The following FER variants were observed in gnomAD, a reference collection of about 807,000 sequenced individuals.
The protein encoded by FER is tyrosine-protein kinase Fer.
Under a neutral mutation model 111.0 loss-of-function variants are expected in FER, and 63 were observed. That is an observed-to-expected ratio of 0.57 (90% confidence interval 0.46 to 0.70). FER has a LOEUF of 0.70. FER is among the 30% of genes least tolerant of loss of function. FER has a pLI of 0.00. For missense variants in FER, 914 were observed against 954.0 expected (o/e 0.96, Z 0.55); for synonymous variants, 327 against 313.9 (o/e 1.04, Z -0.44).
rs1448236167 is a variant in FER at position 109,188,336 on chromosome 5, G to C, written c.*761G>C. 1 of 147,316 alleles carries C rather than the reference G, an allele frequency of 6.8e-6. No individual in the cohort carries two copies. The highest frequency in any genetic ancestry group is 1.5e-5 in the Non-Finnish European group (1 of 66,862). 9.1% of individuals were successfully genotyped at this position (147,316 alleles called of 1,614,324 possible). A position where few individuals can be genotyped will look rare whatever the true frequency, so the allele number is the denominator to read the frequency against. On this transcript the variant is annotated 3_prime_UTR_variant, in exon 20 of 20. Transcript: ENST00000281092. ...AGGCTGAGGCAGGCGGATCACCTGA[G>C]GTCAGGAGTTCGAGACCAGCCTGGC...
At chr5:108,968,276 A>G (rs1760168797) in intron 13 of FER, among the ~76,000 whole-genome samples, 1 of 152,150 alleles carries the variant, frequency 6.6e-6, no homozygotes, top group African/African-American at 2.4e-5. Context: ...AATCCCAACT[A>G]TTTAGGAGGC....
At chr5:108,876,920 T>G (rs529632356) in intron 8 of FER, among the ~76,000 whole-genome samples, 1 of 152,342 alleles carries the variant, frequency 6.6e-6, no homozygotes, top group Admixed American at 6.5e-5. Flanking sequence ...ATTACTGTAT[T>G]TTGAATTTGC....
At chr5:109,028,652 A>G (rs138201557) in intron 13 of FER, among the ~76,000 whole-genome samples, 232 of 152,322 alleles carry the variant, frequency 1.5e-3, no homozygotes, top group African/African-American at 5.3e-3. Flanking sequence ...TCAGTGATCC[A>G]CTAGAAAGGC....
chr5:108,980,426 A>G (rs974845542), intron 13 of FER, among the ~76,000 whole-genome samples: 1 of 152,210 alleles, frequency 6.6e-6, no homozygotes, highest in African/African-American at 2.4e-5. Context: ...TTCAGTATTC[A>G]TCTATACAGG....
chr5:108,937,496 A>T (rs1405399432), intron 10 of FER, among the ~76,000 whole-genome samples: 1 of 152,052 alleles, frequency 6.6e-6, no homozygotes, highest in African/African-American at 2.4e-5. Context: ...AAGTTGAGAC[A>T]TAAAAGAGAT....
intron 17 of FER, among the ~76,000 whole-genome samples, chr5:109,126,410 A>G (rs970061377): frequency 2.0e-5 from 3 of 152,202 alleles, no homozygotes; most frequent in African/African-American, 4.8e-5. Context: ...TCCATTATAC[A>G]TGGAGCCACT....
Position 108,959,275 on chromosome 5 carries a change from A to C in FER, c.1584A>C (p.Ile528=). The part of the protein sequence containing the change: ...GTGFSNIPQL[I]DHHYTTKQVI... The stretch of plus-strand genomic sequence containing the variant: ...GGTTTTCAAACATTCCTCAACTTAT[A>C]GATCATCACTATACAACAAAACAGG... Residue 528 remains isoleucine, a synonymous_variant, in exon 13 of 20, where the codon ATA becomes ATC. Coordinates refer to ENST00000281092, the MANE Select transcript of FER (RefSeq NM_005246.4). 6.2e-7 allele frequency: 1 copy of C among 1,612,012 alleles called. No individual in the cohort carries two copies. The highest frequency in any genetic ancestry group is 1.1e-5 in the South Asian group (1 of 90,954).
chr5:108,757,115 A>G, intron 1 of FER, among the ~76,000 whole-genome samples: 1 of 152,208 alleles, frequency 6.6e-6, no homozygotes, highest in East Asian at 1.9e-4. Context: ...TAAACCTGAA[A>G]TAAATGTAAA....
intron 3 of FER, among the ~76,000 whole-genome samples, chr5:108,803,833 A>G (rs1350923748): frequency 6.6e-6 from 1 of 152,176 alleles, no homozygotes; most frequent in Non-Finnish European, 1.5e-5. Context: ...TTTTGGTTGC[A>G]TATGAATTTT....
chr5:109,023,919 G>A (rs1768292971), intron 13 of FER, among the ~76,000 whole-genome samples: 1 of 152,106 alleles, frequency 6.6e-6, no homozygotes, highest in Non-Finnish European at 1.5e-5. Context: ...TTGAGTAAGA[G>A]GAAGAATGGT....
intron 5 of FER, chr5:108,842,634 A>G (rs990435926): frequency 1.3e-5 from 2 of 152,258 alleles, no homozygotes; most frequent in Admixed American, 1.3e-4. Flanking sequence ...TAACAAACCT[A>G]TGAAAAAATG....
At position 109,108,240 on chromosome 5, in the gene FER, A is replaced by T. The variant is rs1749183408; in HGVS notation, c.2048+7721A>T. ...TAGATTGAGCCACAAAAGAGTAAGTAACTTTTCTAATGTCACACAGCTAGT... is the reference window on the plus strand; with the variant it reads ...TAGATTGAGCCACAAAAGAGTAAGTTACTTTTCTAATGTCACACAGCTAGT... On this transcript the variant is annotated intron_variant, in intron 17 of 19. Coordinates refer to ENST00000281092, the MANE Select transcript of FER (RefSeq NM_005246.4). Among the ~76,000 whole-genome samples the T allele has an allele frequency of 2.6e-5, 4 of 152,300 alleles. No homozygotes were observed. The South Asian group carries it at 8.3e-4, about 32-fold the overall frequency.
chr5:108,866,185 C>T (rs879801431), intron 5 of FER, among the ~76,000 whole-genome samples: 7 of 152,144 alleles, frequency 4.6e-5, no homozygotes, highest in Admixed American at 3.3e-4. Context: ...TGGAACCAAC[C>T]CAATGTCCAA....
intron 17 of FER, among the ~76,000 whole-genome samples, chr5:109,124,865 T>C (rs2126527771): frequency 6.6e-6 from 1 of 151,886 alleles, no homozygotes; most frequent in East Asian, 1.9e-4. Context: ...GCTAACACGG[T>C]GAAACCCCGT....
chr5:108,817,085 C>T (rs1212228324), intron 3 of FER, among the ~76,000 whole-genome samples: 1 of 104,436 alleles, frequency 9.6e-6, no homozygotes, highest in Non-Finnish European at 1.8e-5. Context: ...TCCTGGGCAA[C>T]AGAGCAAGAC....
At chr5:108,861,436 A>C (rs2150216243) in intron 5 of FER, among the ~76,000 whole-genome samples, 1 of 152,342 alleles carries the variant, frequency 6.6e-6, no homozygotes, top group Middle Eastern at 3.4e-3. Flanking sequence ...TTTGTCAACA[A>C]GTTGTGGCAA....
At chr5:108,794,524 G>GCCCCCCCCCCCCCCCCCCCCCCCCC (rs1415651696) in intron 2 of FER, among the ~76,000 whole-genome samples, 2 of 53,700 alleles carry the variant, frequency 3.7e-5, no homozygotes, top group African/African-American at 1.6e-4. Flanking sequence ...TGCCCCCTCC[G>GCCCCCCCCCCCCCCCCCCCCCCCCC]CACCCCCCCC....
chr5:109,079,242 C>G (rs1430618224), intron 16 of FER, among the ~76,000 whole-genome samples: 1 of 152,072 alleles, frequency 6.6e-6, no homozygotes, highest in Non-Finnish European at 1.5e-5. Context: ...TGGAAATGTC[C>G]TAACCACTGC....
intron 10 of FER, among the ~76,000 whole-genome samples, chr5:108,915,526 G>A: frequency 6.6e-6 from 1 of 150,896 alleles, no homozygotes; most frequent in Admixed American, 6.6e-5. Context: ...GCTCTTGTTT[G>A]TTTCTTTATA....
Sources: gnomAD v4.1 joint callset for allele counts (sites outside exome capture counted in the v4.1 genomes callset) on GRCh38, gnomAD v4.1.1 for gene constraint, MANE v1.5 for transcripts, NCBI Gene and HGNC (gene_info 2026-07-23, HGNC 2026-07-21) for gene names.